Variants in NAV3 observed in about 807,000 individuals in gnomAD.
NAV3 encodes the protein pore membrane and/or filament interacting like protein 1.
NAV3 carries 87 observed loss-of-function variants against 244.7 expected under a neutral mutation model. That is an observed-to-expected ratio of 0.36 (90% confidence interval 0.30 to 0.42). The LOEUF is 0.42. Among genes scored for constraint, NAV3 ranks in the 20% least tolerant of loss-of-function variants. The pLI is 1.00. For synonymous variants in NAV3, 1,126 were observed against 1,042.2 expected (o/e 1.08, Z -1.55); for missense variants, 2,663 against 2,893.3 (o/e 0.92, Z 1.83).
intron 2 of NAV3, among the ~76,000 whole-genome samples, chr12:77,709,548 T>C (rs73410444): frequency 0.025 from 3,796 of 152,282 alleles, 89 homozygotes; most frequent in African/African-American, 0.06. Flanking sequence ...TCTAGATATA[T>C]GAAGGAATCA....
intron 2 of NAV3, among the ~76,000 whole-genome samples, chr12:77,676,146 G>A (rs1391373160): frequency 6.6e-6 from 1 of 151,872 alleles, no homozygotes; most frequent in Non-Finnish European, 1.5e-5. Context: ...TGTTAAATAG[G>A]TATACATGTG....
At chr12:77,833,701 C>A (rs1329914718) in intron 1 of NAV3, among the ~76,000 whole-genome samples, 1 of 152,210 alleles carries the variant, frequency 6.6e-6, no homozygotes, top group African/African-American at 2.4e-5. Context: ...GGGTTCTCGC[C>A]TTGGTTCCGG....
chr12:78,108,740 C>A (rs1421195101), intron 12 of NAV3, among the ~76,000 whole-genome samples: 1 of 151,872 alleles, frequency 6.6e-6, no homozygotes, highest in East Asian at 1.9e-4. Context: ...AGCTGAAAAT[C>A]AAAAAATTCT....
chr12:77,587,622 A>C (rs1004354274), intron 2 of NAV3, among the ~76,000 whole-genome samples: 1 of 152,240 alleles, frequency 6.6e-6, no homozygotes, highest in Non-Finnish European at 1.5e-5. Context: ...ATTTTCATTG[A>C]GTTAGACAAC....
In NAV3 at chr12:78,177,237, C is replaced by G. The variant is rs1317471418; in HGVS notation, c.5221C>G (p.Pro1741Ala). ...TGAAGAGCTTACTGATTCATCCCTT[C>G]CGGCATCCCCCAAGTTACCCCATAA... The part of the protein sequence containing the change: ...DIEELTDSSL[P>A]ASPKLPHNAG... The change falls in exon 27 of 40, where the codon CCG (proline) becomes GCG (alanine). Residue 1741 changes from proline to alanine, a missense_variant. Physicochemically the swap from Pro to Ala is conservative, Grantham distance 27. Coordinates refer to ENST00000397909, the MANE Select transcript of NAV3 (RefSeq NM_001024383.2). 1 of 1,613,530 alleles carries G rather than the reference C, an allele frequency of 6.2e-7. No homozygotes were observed. Among genetic ancestry groups the G allele is most frequent in the Non-Finnish European group, 8.5e-7 (1 of 1,179,644 alleles).
intron 2 of NAV3, among the ~76,000 whole-genome samples, chr12:77,777,400 G>A (rs1870418022): frequency 6.6e-6 from 1 of 152,164 alleles, no homozygotes; most frequent in African/African-American, 2.4e-5. Context: ...GAAGTGAATG[G>A]AGTAGGCATT....
At chr12:77,826,115 C>G (rs1872986033), upstream of NAV3, among the ~76,000 whole-genome samples, 1 of 152,104 alleles carries the variant, frequency 6.6e-6, no homozygotes, top group South Asian at 2.1e-4. Flanking sequence ...TAGTGTGGCA[C>G]ATGCTTACAC....
At chr12:77,682,498 A>G (rs1473766923) in intron 2 of NAV3, among the ~76,000 whole-genome samples, 1 of 152,080 alleles carries the variant, frequency 6.6e-6, no homozygotes, top group Non-Finnish European at 1.5e-5. Context: ...TACTGATTTC[A>G]TTTCCTTTGG....
chr12:78,171,682 T>A (rs1243137525), intron 24 of NAV3, among the ~76,000 whole-genome samples: 2 of 151,616 alleles, frequency 1.3e-5, no homozygotes, highest in Admixed American at 1.3e-4. Flanking sequence ...AATAGTCAGT[T>A]GGACTAATTA....
chr12:77,910,963 T>C (rs1423659242), intron 1 of NAV3, among the ~76,000 whole-genome samples: 1 of 152,124 alleles, frequency 6.6e-6, no homozygotes, highest in Non-Finnish European at 1.5e-5. Context: ...ACAATGGACA[T>C]GCAGAGGGAA....
intron 9 of NAV3, among the ~76,000 whole-genome samples, chr12:78,039,909 G>A (rs1185688037): frequency 6.6e-6 from 1 of 152,030 alleles, no homozygotes; most frequent in African/African-American, 2.4e-5. Context: ...TGACACATAG[G>A]AAGCCTCTTT....
Position 77,831,219 on chromosome 12 carries a change from A to AGAGAGAAAG in NAV3, c.-243_-242insGAGAGAAAG. On this transcript the variant is annotated 5_prime_UTR_variant, in exon 1 of 40. Transcript: ENST00000397909. ...ACAGAGAGAGAGAGAGAGAGAGAGA[A>AGAGAGAAAG]AGAGAGAGAGAGAGAGAATGAGAAT... The AGAGAGAAAG allele has an allele frequency of 1.3e-5, 2 of 148,734 alleles. No homozygotes were observed. The highest frequency in any genetic ancestry group is 1.2e-4 in the South Asian group (1 of 8,446). 9.2% of individuals were successfully genotyped at this position (148,734 alleles called of 1,614,324 possible). A position where few individuals can be genotyped will look rare whatever the true frequency, so the allele number is the denominator to read the frequency against.
At chr12:78,008,398 C>T (rs1440855982) in intron 8 of NAV3, among the ~76,000 whole-genome samples, 4 of 151,998 alleles carry the variant, frequency 2.6e-5, no homozygotes, top group African/African-American at 9.7e-5. Context: ...TTGTTTTAAT[C>T]GATTAGAGAT....
intron 1 of NAV3, among the ~76,000 whole-genome samples, chr12:77,928,835 C>T (rs1888493088): frequency 6.6e-6 from 1 of 152,068 alleles, no homozygotes; most frequent in African/African-American, 2.4e-5. Context: ...CAGATAAATG[C>T]AGTTGCAAAT....
chr12:77,609,213 A>G (rs1870803684), intron 2 of NAV3, among the ~76,000 whole-genome samples: 2 of 152,078 alleles, frequency 1.3e-5, no homozygotes, highest in African/African-American at 4.8e-5. Flanking sequence ...AACCAAAACC[A>G]AAAAACTCTT....
intron 1 of NAV3, among the ~76,000 whole-genome samples, chr12:77,908,324 C>A (rs1468419476): frequency 6.6e-6 from 1 of 151,960 alleles, no homozygotes; most frequent in Non-Finnish European, 1.5e-5. Flanking sequence ...TTGGAGCTGA[C>A]ATATGGTTTA....
At chr12:77,608,692 T>A (rs752096752) in intron 2 of NAV3, among the ~76,000 whole-genome samples, 1 of 152,132 alleles carries the variant, frequency 6.6e-6, no homozygotes, top group Non-Finnish European at 1.5e-5. Context: ...GATTTTAGAA[T>A]GAACTGGGAG....
intron 5 of NAV3, among the ~76,000 whole-genome samples, chr12:77,987,697 G>A (rs902614092): frequency 7.9e-5 from 12 of 151,940 alleles, no homozygotes; most frequent in Non-Finnish European, 1.3e-4. Flanking sequence ...GGAGAACAAC[G>A]CAGTCTGTTT....
At chr12:77,722,452 C>G (rs1017984355) in intron 2 of NAV3, among the ~76,000 whole-genome samples, 1 of 151,958 alleles carries the variant, frequency 6.6e-6, no homozygotes, top group Non-Finnish European at 1.5e-5. Context: ...GATACTTAAG[C>G]CTTTGCTTTT....
Sources: allele counts gnomAD v4.1 joint callset (sites outside exome capture counted in the v4.1 genomes callset), GRCh38; gene constraint gnomAD v4.1.1; transcripts MANE v1.5; gene names NCBI Gene and HGNC (gene_info 2026-07-23, HGNC 2026-07-21).